The following IGF1R variants were observed in gnomAD, a reference collection of about 807,000 sequenced individuals.
IGF1R encodes insulin like growth factor 1 receptor.
A neutral mutation model predicts 144.6 loss-of-function variants in IGF1R; 44 were observed. The observed-to-expected ratio is 0.30, with a 90% CI of 0.24 to 0.39. IGF1R has a LOEUF of 0.39. IGF1R is among the 10% of genes least tolerant of loss of function. The probability of loss-of-function intolerance (pLI) is 1.00; values close to 1 mark genes in which losing one functional copy is unlikely to be tolerated. For synonymous variants in IGF1R, 795 were observed against 722.8 expected, an observed-to-expected ratio of 1.10 and a Z score of -1.60; for missense variants, 1,355 against 1,833.7, an observed-to-expected ratio of 0.74 and a Z score of 4.77.
chr15:98,935,510 T>G lies in IGF1R; in HGVS notation c.3297+84T>G, dbSNP rs2016108810. 4 of 833,504 alleles carry G rather than the reference T, an allele frequency of 4.8e-6. No individual in the cohort carries two copies. The South Asian group carries it at 5.7e-5, about 12-fold the overall frequency. 51.6% of individuals were successfully genotyped at this position (833,504 alleles called of 1,614,324 possible). On this transcript the variant is annotated intron_variant, in intron 17 of 20. Transcript: ENST00000650285. This position sits in a 1 kb window ranked among gnomAD's most constrained non-coding sequence, Gnocchi z 4.2. ...AATCTCCCTGCAAGGAAATGCTGTG[T>G]CTTTAAATCAGTTTACTTTCCAGCA...
At chr15:98,838,513 G>T (rs572294795) in intron 2 of IGF1R, among the ~76,000 whole-genome samples, 92 of 152,280 alleles carry the variant, frequency 6.0e-4, no homozygotes, top group Middle Eastern at 3.4e-3. Flanking sequence ...AGGTAGATGC[G>T]CCTGTTTACC....
At chr15:98,786,843 G>T (rs1163754272) in intron 2 of IGF1R, among the ~76,000 whole-genome samples, 1 of 152,212 alleles carries the variant, frequency 6.6e-6, no homozygotes, top group African/African-American at 2.4e-5. Flanking sequence ...TAGAGAGCCT[G>T]TGTGGAACGT....
In IGF1R at chr15:98,895,222, CCACACACACA is replaced by C. The variant is rs10704966; in HGVS notation, c.954-1498_954-1489del. Among the ~76,000 whole-genome samples, 885 of 143,388 alleles carry C rather than the reference CCACACACACA, an allele frequency of 6.2e-3. 11 individuals are homozygous for C. The highest frequency in any genetic ancestry group is 0.02 in the African/African-American group (752 of 37,670). The allele number at this position is 143,388 out of a possible 152,430, so 94.1% of individuals were successfully genotyped here. Reference sequence around the variant, plus strand: ...TACACAAGTGATCAGTGACACAGCACCACACACACACACACACACACACACACACACACAC... The same window carrying C: ...TACACAAGTGATCAGTGACACAGCACCACACACACACACACACACACACAC... On this transcript the variant is annotated intron_variant, in intron 3 of 20. Transcript: ENST00000650285.
intron 2 of IGF1R, among the ~76,000 whole-genome samples, chr15:98,837,555 G>A (rs2011109169): frequency 6.6e-6 from 1 of 151,952 alleles, no homozygotes; most frequent in South Asian, 2.1e-4. Context: ...ATTTTTTGTA[G>A]AAACTCACTA....
intron 2 of IGF1R, among the ~76,000 whole-genome samples, chr15:98,785,368 C>G (rs1462597497): frequency 6.6e-6 from 1 of 152,132 alleles, no homozygotes; most frequent in African/African-American, 2.4e-5. Context: ...TCCCTCTTCC[C>G]TTTGTAGCAT....
At chr15:98,852,338 G>C (rs1258106326) in intron 2 of IGF1R, among the ~76,000 whole-genome samples, 1 of 151,984 alleles carries the variant, frequency 6.6e-6, no homozygotes, top group African/African-American at 2.4e-5. Context: ...AAGAGGGAGC[G>C]GGCACCCCGC....
rs1449431063 is a variant in IGF1R at position 98,957,454 on chromosome 15, T to C, written c.*12T>C. ...CTTCGACCTGCTGATCCTTGGATCC[T>C]GAATCTGTGCAAACAGTAACGTGTG... On this transcript the variant is annotated 3_prime_UTR_variant, in exon 21 of 21. Transcript: ENST00000650285. 1.2e-6 allele frequency: 2 copies of C among 1,612,698 alleles called. No homozygotes were observed. The highest frequency in any genetic ancestry group is 2.2e-5 in the South Asian group (2 of 91,058).
intron 2 of IGF1R, among the ~76,000 whole-genome samples, chr15:98,770,543 A>T (rs2055559352): frequency 6.6e-6 from 1 of 152,240 alleles, no homozygotes; most frequent in South Asian, 2.1e-4. Flanking sequence ...TACATTGCAT[A>T]CATGTTTCAA....
intron 2 of IGF1R, among the ~76,000 whole-genome samples, chr15:98,852,652 C>G (rs1199569134): frequency 6.6e-6 from 1 of 152,180 alleles, no homozygotes; most frequent in Non-Finnish European, 1.5e-5. Flanking sequence ...ACATCCCAGC[C>G]CCGGGGCCCC....
chr15:98,847,181 TG>T (rs1301875080), intron 2 of IGF1R, among the ~76,000 whole-genome samples: 3 of 152,194 alleles, frequency 2.0e-5, no homozygotes. Context: ...TTTACCATGT[TG>T]GCTAGGCTGG....
chr15:98,935,875 C>A lies in IGF1R; in HGVS notation c.3297+449C>A, dbSNP rs955350379. On this transcript the variant is annotated intron_variant, in intron 17 of 20. Coordinates refer to ENST00000650285, the MANE Select transcript of IGF1R (RefSeq NM_000875.5). This position sits in a 1 kb window ranked among gnomAD's most constrained non-coding sequence, Gnocchi z 4.2. ...TGTGCTGTTGTTGGAGTGTGTCCCC[C>A]CTCCACCCCGTTGTGTTTAGCTTTT... Among the ~76,000 whole-genome samples, 2 of 152,176 alleles carry A rather than the reference C, an allele frequency of 1.3e-5. No homozygotes were observed. The highest frequency in any genetic ancestry group is 6.5e-5 in the Admixed American group (1 of 15,280).
chr15:98,955,091 C>G (rs2016926668), intron 20 of IGF1R, among the ~76,000 whole-genome samples: 2 of 152,226 alleles, frequency 1.3e-5, no homozygotes, highest in South Asian at 4.1e-4. Flanking sequence ...CTTAGTGCTT[C>G]TGTTCCCTCA....
chr15:98,724,354 G>A (rs1224823667), intron 2 of IGF1R, among the ~76,000 whole-genome samples: 4 of 152,174 alleles, frequency 2.6e-5, no homozygotes, highest in Non-Finnish European at 4.4e-5. Flanking sequence ...CTCTCTGGGT[G>A]GGTAATACAG....
intron 2 of IGF1R, among the ~76,000 whole-genome samples, chr15:98,775,455 CA>C (rs1426950491): frequency 6.6e-6 from 1 of 152,154 alleles, no homozygotes; most frequent in Non-Finnish European, 1.5e-5. Context: ...GTACCTTGTG[CA>C]AACAAGTTCA....
At chr15:98,768,430 C>T (rs1031216656) in intron 2 of IGF1R, among the ~76,000 whole-genome samples, 3 of 151,270 alleles carry the variant, frequency 2.0e-5, no homozygotes, top group African/African-American at 4.9e-5. Flanking sequence ...TCCTGGCCAA[C>T]GTGGTGAAAC....
chr15:98,755,718 C>CAAAAAA (rs56121011), intron 2 of IGF1R, among the ~76,000 whole-genome samples: 3 of 34,470 alleles, frequency 8.7e-5, no homozygotes, highest in African/African-American at 4.7e-4. Context: ...AACTCCATTG[C>CAAAAAA]AAAAAAAAAA....
chr15:98,955,970 C>T (rs977829356), intron 20 of IGF1R, among the ~76,000 whole-genome samples: 4 of 152,246 alleles, frequency 2.6e-5, no homozygotes, highest in African/African-American at 9.6e-5. Flanking sequence ...TTTGGTTTCA[C>T]GCTCATGTAA....
In IGF1R at chr15:98,959,527, A is replaced by T. The variant is rs2017141809; in HGVS notation, c.*2085A>T. On this transcript the variant is annotated 3_prime_UTR_variant, in exon 21 of 21. Coordinates refer to ENST00000650285, the MANE Select transcript of IGF1R (RefSeq NM_000875.5). ...GGAGTGCTAGGTGGAGGCAGCACAG[A>T]CGCCACGGTGGCCCAAGAGCCCCTT... The T allele has an allele frequency of 4.3e-6, 1 of 233,470 alleles. No individual in the cohort carries two copies. The highest frequency in any genetic ancestry group is 8.5e-6 in the Non-Finnish European group (1 of 118,040). The allele number at this position is 233,470 out of a possible 1,614,324, so 14.5% of individuals were successfully genotyped here.
chr15:98,950,880 A>T (rs1298740784), intron 20 of IGF1R, among the ~76,000 whole-genome samples: 1 of 152,182 alleles, frequency 6.6e-6, no homozygotes, highest in Non-Finnish European at 1.5e-5. Context: ...CCCTAATCAA[A>T]CAATCAAGGT....
Sources: allele counts gnomAD v4.1 joint callset (sites outside exome capture counted in the v4.1 genomes callset), GRCh38; gene constraint gnomAD v4.1.1; non-coding constraint Gnocchi (gnomAD v3.1); transcripts MANE v1.5; gene names NCBI Gene and HGNC (gene_info 2026-07-23, HGNC 2026-07-21).